The following SLC39A11 variants were observed in gnomAD, a reference collection of about 807,000 sequenced individuals.
The protein encoded by SLC39A11 is zinc transporter ZIP11.
A neutral mutation model predicts 36.1 loss-of-function variants in SLC39A11; 33 were observed. The ratio of observed to expected loss-of-function variants is 0.91; its 90% CI spans 0.69 to 1.22. SLC39A11 has a LOEUF of 1.22. Among genes scored for constraint, SLC39A11 ranks in the 50% most tolerant of loss-of-function variants. The pLI, the probability that SLC39A11 is intolerant of heterozygous loss-of-function variation, is 0.00. For missense variants in SLC39A11, 432 were observed against 430.3 expected (o/e 1.00, Z -0.03); for synonymous variants, 166 against 170.3 (o/e 0.97, Z 0.20).
chr17:72,908,895 G>A (rs1037674519), intron 5 of SLC39A11, among the ~76,000 whole-genome samples: 1 of 152,164 alleles, frequency 6.6e-6, no homozygotes, highest in Non-Finnish European at 1.5e-5. Context: ...ACTATGACCA[G>A]GGATGTTTCC....
intron 6 of SLC39A11, among the ~76,000 whole-genome samples, chr17:72,747,353 T>C (rs1372906064): frequency 1.3e-5 from 2 of 152,084 alleles, no homozygotes; most frequent in Admixed American, 6.5e-5. Context: ...GTTTTTGCCA[T>C]GTTGGCCAGG....
Position 72,665,820 on chromosome 17 carries a change from T to C in SLC39A11, c.672-16552A>G, listed in dbSNP as rs139479523. Among the ~76,000 whole-genome samples, 298 of 152,310 alleles carry C rather than the reference T, an allele frequency of 2.0e-3. 2 individuals are homozygous for C. The highest frequency in any genetic ancestry group is 6.8e-3 in the African/African-American group (281 of 41,572). ...TTCTCTTTCTTTTCTCTCTCTTCCT[T>C]TTGATAGCATTTATTATCTCCTAAC... On this transcript the variant is annotated intron_variant, in intron 7 of 9. Transcript: ENST00000255559.
intron 7 of SLC39A11, among the ~76,000 whole-genome samples, chr17:72,723,075 G>A (rs923573440): frequency 4.6e-5 from 7 of 152,168 alleles, no homozygotes; most frequent in African/African-American, 9.7e-5. Context: ...TTTGGGGGAC[G>A]TCTTCATTGT....
intron 3 of SLC39A11, among the ~76,000 whole-genome samples, chr17:73,063,770 G>A (rs554673594): frequency 2.2e-4 from 33 of 152,310 alleles, no homozygotes; most frequent in African/African-American, 6.7e-4. Context: ...CCCATAAGAT[G>A]CAAGTGTTCG....
intron 4 of SLC39A11, among the ~76,000 whole-genome samples, chr17:72,948,576 A>G (rs903958525): frequency 6.6e-6 from 1 of 152,228 alleles, no homozygotes; most frequent in Non-Finnish European, 1.5e-5. Flanking sequence ...GAGGAGATCC[A>G]AACAAAACCA....
At chr17:72,754,045 TACACATACAC>T (rs1422525620) in intron 6 of SLC39A11, among the ~76,000 whole-genome samples, 53 of 53,284 alleles carry the variant, frequency 9.9e-4, no homozygotes, top group African/African-American at 3.2e-3. Flanking sequence ...TATATATATA[TACACATACAC>T]ACACACACAC....
chr17:72,726,658 C>A (rs34154335), intron 7 of SLC39A11, among the ~76,000 whole-genome samples: 5,300 of 152,250 alleles, frequency 0.035, 131 homozygotes, highest in Middle Eastern at 0.078. Context: ...GAAAATATGT[C>A]AAAATATGCC....
chr17:72,780,707 C>G (rs960647846), intron 6 of SLC39A11, among the ~76,000 whole-genome samples: 2 of 152,150 alleles, frequency 1.3e-5, no homozygotes, highest in African/African-American at 4.8e-5. Context: ...CCAAATCATG[C>G]CGGGCGTGGT....
intron 3 of SLC39A11, among the ~76,000 whole-genome samples, chr17:73,052,750 A>T (rs572931718): frequency 6.6e-6 from 1 of 152,204 alleles, no homozygotes; most frequent in Non-Finnish European, 1.5e-5. Context: ...CCCAAGCTGC[A>T]GTCACAGTGG....
In SLC39A11 at chr17:72,947,756, C is replaced by G; in HGVS notation, c.426G>C (p.Arg142=). The G allele has an allele frequency of 1.2e-6, 2 of 1,614,026 alleles. No homozygotes were observed. Among genetic ancestry groups the G allele is most frequent in the Non-Finnish European group, 1.7e-6 (2 of 1,180,034 alleles). The change falls in exon 5 of 10, where the codon CGG becomes CGC. Residue 142 remains arginine, a synonymous_variant. Transcript: ENST00000255559. ...CTGAAAGAAGCCCAGCTCTACCTAT[C>G]CGGATGGAAAGTTCACTCTCAGGGA... ...LLFPESELSI[R]IDKSENGEAY... is the part of the protein sequence containing the mutation.
intron 4 of SLC39A11, among the ~76,000 whole-genome samples, chr17:72,948,795 G>T (rs928369751): frequency 6.6e-6 from 1 of 152,182 alleles, no homozygotes; most frequent in Non-Finnish European, 1.5e-5. Flanking sequence ...CCAACTCTGT[G>T]TATATTTAGT....
intron 5 of SLC39A11, among the ~76,000 whole-genome samples, chr17:72,884,050 G>A (rs892825241): frequency 2.0e-5 from 3 of 152,168 alleles, no homozygotes; most frequent in African/African-American, 7.2e-5. Flanking sequence ...AGCTACTTGG[G>A]AGGCTGAAGT....
intron 3 of SLC39A11, among the ~76,000 whole-genome samples, chr17:73,065,175 C>G (rs2059962266): frequency 6.6e-6 from 1 of 152,118 alleles, no homozygotes; most frequent in African/African-American, 2.4e-5. Flanking sequence ...GAGGCTGAGG[C>G]TGGCAGATCA....
At chr17:72,858,592 T>G (rs891812219) in intron 5 of SLC39A11, among the ~76,000 whole-genome samples, 6 of 152,262 alleles carry the variant, frequency 3.9e-5, no homozygotes, top group African/African-American at 7.2e-5. Flanking sequence ...ATACTATCGA[T>G]TCTTCCTATC....
intron 6 of SLC39A11, chr17:72,823,765 A>G (rs1355044618): frequency 6.6e-6 from 1 of 151,476 alleles, no homozygotes; most frequent in Admixed American, 6.6e-5. Context: ...AGGATCATTA[A>G]TGCTGCATTA....
chr17:72,657,266 A>G (rs1446958486), intron 7 of SLC39A11, among the ~76,000 whole-genome samples: 16 of 152,174 alleles, frequency 1.1e-4, no homozygotes, highest in Admixed American at 9.8e-4. Flanking sequence ...GAGCTGAGGC[A>G]TGAGAATCGC....
intron 6 of SLC39A11, among the ~76,000 whole-genome samples, chr17:72,772,735 G>T (rs1408961226): frequency 6.6e-6 from 1 of 152,194 alleles, no homozygotes; most frequent in Non-Finnish European, 1.5e-5. Context: ...AGAAATGAAT[G>T]AGTGAAATGA....
intron 6 of SLC39A11, among the ~76,000 whole-genome samples, chr17:72,757,822 C>T (rs1294711743): frequency 2.0e-5 from 3 of 152,048 alleles, no homozygotes; most frequent in Non-Finnish European, 4.4e-5. Context: ...GTGTATCCAC[C>T]GTGGTGTCCC....
At chr17:72,684,579 C>T (rs1036831151) in intron 7 of SLC39A11, among the ~76,000 whole-genome samples, 1 of 152,150 alleles carries the variant, frequency 6.6e-6, no homozygotes, top group East Asian at 1.9e-4. Flanking sequence ...AGAGACTCCC[C>T]AGATCAAGGG....
Sources: allele counts gnomAD v4.1 joint callset (sites outside exome capture counted in the v4.1 genomes callset), GRCh38; gene constraint gnomAD v4.1.1; transcripts MANE v1.5; gene names NCBI Gene and HGNC (gene_info 2026-07-23, HGNC 2026-07-21).